PUM2: variants seen among roughly 807,000 people sequenced by gnomAD.
The protein encoded by PUM2 is pumilio RNA binding family member 2, also known as pumilio homolog 2.
A neutral mutation model predicts 124.5 loss-of-function variants in PUM2; 57 were observed. That is an observed-to-expected ratio of 0.46 (90% CI 0.37 to 0.57). The LOEUF is 0.57. Among genes scored for constraint, PUM2 ranks in the 20% least tolerant of loss-of-function variants. PUM2 has a pLI of 0.00. For synonymous variants in PUM2, 460 were observed against 446.1 expected (o/e 1.03, Z -0.39); for missense variants, 1,065 against 1,290.6 (o/e 0.83, Z 2.68).
At position 20,251,512 on chromosome 2, in the gene PUM2, T is replaced by C. The variant is rs1411448276; in HGVS notation, c.*73A>G. 2.7e-6 allele frequency: 4 copies of C among 1,487,442 alleles called. No individual in the cohort carries two copies. The African/African-American group carries it at 4.2e-5, about 16-fold the overall frequency. 92.1% of individuals were successfully genotyped at this position (1,487,442 alleles called of 1,614,324 possible). A position where few individuals can be genotyped will look rare whatever the true frequency, so the allele number is the denominator to read the frequency against. On this transcript the variant is annotated 3_prime_UTR_variant, in exon 21 of 21. Coordinates refer to ENST00000361078, the MANE Select transcript of PUM2 (RefSeq NM_015317.5). Reference sequence around the variant, plus strand: ...AAATTGAAGATTCATAGTTGAGTTGTGTTTTGATAATTCACACACAAAAAA... The same window carrying C: ...AAATTGAAGATTCATAGTTGAGTTGCGTTTTGATAATTCACACACAAAAAA...
chr2:20,286,969 G>A (rs1672887371), intron 10 of PUM2, among the ~76,000 whole-genome samples: 1 of 149,086 alleles, frequency 6.7e-6, no homozygotes, highest in Non-Finnish European at 1.5e-5. Flanking sequence ...CTGGTTAGAT[G>A]AATGTATGAA....
intron 1 of PUM2, among the ~76,000 whole-genome samples, chr2:20,329,684 C>A (rs565427598): frequency 6.6e-6 from 1 of 152,038 alleles, no homozygotes; most frequent in Non-Finnish European, 1.5e-5. Flanking sequence ...CTAGGTAAAA[C>A]GGGTCTTAGG....
At chr2:20,274,957 CAAAAA>C (rs774985208) in intron 13 of PUM2, among the ~76,000 whole-genome samples, 7 of 31,418 alleles carry the variant, frequency 2.2e-4, no homozygotes, top group Admixed American at 4.4e-4. Context: ...GAAGTATCTC[CAAAAA>C]AAAAAAAAAA....
chr2:20,276,090 G>A (rs576924578), intron 13 of PUM2, among the ~76,000 whole-genome samples: 1 of 151,848 alleles, frequency 6.6e-6, no homozygotes, highest in Non-Finnish European at 1.5e-5. Flanking sequence ...TAATATATTA[G>A]AATAAGCAAC....
At chr2:20,290,537 G>T in intron 10 of PUM2, 115 bp downstream of exon 10, 1 of 1,089,120 alleles carries the variant, frequency 9.2e-7, no homozygotes, top group Admixed American at 3.2e-5. Context: ...TAAATATTTT[G>T]TTACAAGGTA....
chr2:20,294,461 T>A lies in PUM2; in HGVS notation c.1067A>T (p.Asn356Ile). Residue 356 changes from asparagine to isoleucine, a missense_variant, in exon 9 of 21, where the codon AAC (asparagine) becomes ATC (isoleucine). Asn to Ile is a moderately radical substitution (Grantham distance 149). Transcript: ENST00000361078. ...YGVPWGVYPA[N>I]LFQQQAAAAA... ...AGCTGCAGCTTGCTGCTGAAATAAG[T>A]TGGCTGGATACACCCCCCATGGAAC... 1 of 1,614,164 alleles carries A rather than the reference T, an allele frequency of 6.2e-7. No homozygotes were observed. Among genetic ancestry groups the A allele is most frequent in the Non-Finnish European group, 8.5e-7 (1 of 1,180,036 alleles).
chr2:20,269,368 T>TC (rs1188610508), intron 13 of PUM2, among the ~76,000 whole-genome samples: 1 of 150,728 alleles, frequency 6.6e-6, no homozygotes, highest in Non-Finnish European at 1.5e-5. Flanking sequence ...GCCCGGCTAA[T>TC]TTTTTTTTAT....
chr2:20,307,992 T>A lies in PUM2; in HGVS notation c.869A>T (p.Gln290Leu). 1 of 1,613,588 alleles carries A rather than the reference T, an allele frequency of 6.2e-7. No individual in the cohort carries two copies. Among genetic ancestry groups the A allele is most frequent in the Non-Finnish European group, 8.5e-7 (1 of 1,179,556 alleles). The change falls in exon 7 of 21, where the codon CAG (glutamine) becomes CTG (leucine). Residue 290 changes from glutamine to leucine, a missense_variant. Gln to Leu is a moderately radical substitution (Grantham distance 113, BLOSUM62 -2). Coordinates refer to ENST00000361078, the MANE Select transcript of PUM2 (RefSeq NM_015317.5). The stretch of plus-strand genomic sequence containing the variant: ...TGAAGACTCACCTATATGTGGCTGC[T>A]GAGCTGCTGCTAATGCATATTGCTG... ...QQQQYALAAA[Q>L]QPHIAGVFSA...
At chr2:20,256,289 A>T in intron 16 of PUM2, 119 bp from the exon 17 acceptor site, 18 of 918,026 alleles carry the variant, frequency 2.0e-5, no homozygotes, top group Non-Finnish European at 2.6e-5. Flanking sequence ...CTCAGTATTA[A>T]AAATACTGAG....
At chr2:20,290,849 T>C (rs1194390696) in intron 9 of PUM2, 59 bp from the exon 10 acceptor site, 2 of 1,331,746 alleles carry the variant, frequency 1.5e-6, no homozygotes, top group Non-Finnish European at 2.0e-6. Context: ...AGTAAATTTA[T>C]CTTGGACAAC....
In PUM2 at chr2:20,254,018, A is replaced by G; in HGVS notation, c.2871-4T>C. On this transcript the variant is annotated splice_region_variant and splice_polypyrimidine_tract_variant and intron_variant, in intron 19 of 20. Coordinates refer to ENST00000361078, the MANE Select transcript of PUM2 (RefSeq NM_015317.5). ...AACACACTTTTCTACTACATTGCTA[A>G]AAATTAAAGCAGATAAACAAAGATT... 6.3e-7 allele frequency: 1 copy of G among 1,597,882 alleles called. No homozygotes were observed.
At chr2:20,270,995 A>G (rs376412640) in intron 13 of PUM2, among the ~76,000 whole-genome samples, 2 of 152,202 alleles carry the variant, frequency 1.3e-5, no homozygotes, top group Non-Finnish European at 2.9e-5. Flanking sequence ...TTATGAAATA[A>G]AGTGAAATAA....
rs772079175 is a variant in PUM2, at chr2:20,278,532, C to T, written c.1957+51G>A. ...CATATATTATAAACACACACACAAA[C>T]ACACATACATGTATACATACAAATA... On this transcript the variant is annotated intron_variant, in intron 13 of 20. Coordinates refer to ENST00000361078, the MANE Select transcript of PUM2 (RefSeq NM_015317.5). The T allele has an allele frequency of 3.6e-6, 5 of 1,389,958 alleles. No homozygotes were observed. The African/African-American group carries it at 5.8e-5, about 16-fold the overall frequency. 86.1% of individuals were successfully genotyped at this position (1,389,958 alleles called of 1,614,324 possible). A position where few individuals can be genotyped will look rare whatever the true frequency, so the allele number is the denominator to read the frequency against.
intron 13 of PUM2, among the ~76,000 whole-genome samples, chr2:20,271,970 C>A (rs1669114781): frequency 6.6e-6 from 1 of 152,094 alleles, no homozygotes; most frequent in Non-Finnish European, 1.5e-5. Context: ...ACCAGCCTGA[C>A]CAACATGGTG....
At chr2:20,316,751 G>A (rs931518368) in intron 3 of PUM2, among the ~76,000 whole-genome samples, 3 of 152,082 alleles carry the variant, frequency 2.0e-5, no homozygotes, top group Non-Finnish European at 4.4e-5. Context: ...AGCCAGACAC[G>A]GCCAGGCATG....
At chr2:20,334,632 T>G (rs1685599328) in intron 1 of PUM2, among the ~76,000 whole-genome samples, 1 of 152,226 alleles carries the variant, frequency 6.6e-6, no homozygotes, top group Non-Finnish European at 1.5e-5. Context: ...AGTATCTGGA[T>G]AGTGACTAAG....
At chr2:20,339,407 C>T (rs1405409887) in intron 1 of PUM2, among the ~76,000 whole-genome samples, 1 of 151,786 alleles carries the variant, frequency 6.6e-6, no homozygotes, top group Non-Finnish European at 1.5e-5. Context: ...AAAATATTTT[C>T]ATTTTAGTCT....
At chr2:20,276,207 T>A (rs888097905) in intron 13 of PUM2, among the ~76,000 whole-genome samples, 1 of 151,758 alleles carries the variant, frequency 6.6e-6, no homozygotes, top group African/African-American at 2.4e-5. Flanking sequence ...TTACTAGTCA[T>A]CCTGCTAAAA....
intron 3 of PUM2, among the ~76,000 whole-genome samples, chr2:20,312,721 T>A (rs998080391): frequency 2.0e-5 from 3 of 152,184 alleles, no homozygotes; most frequent in Non-Finnish European, 4.4e-5. Flanking sequence ...AAAATTACTT[T>A]AAATTTCATA....
Sources: gnomAD v4.1 joint callset for allele counts (sites outside exome capture counted in the v4.1 genomes callset) on GRCh38, gnomAD v4.1.1 for gene constraint, MANE v1.5 for transcripts, NCBI Gene and HGNC (gene_info 2026-07-23, HGNC 2026-07-21) for gene names.